ATP6V1H: variants seen among roughly 807,000 people sequenced by gnomAD.
ATP6V1H encodes the protein V-type proton ATPase subunit H.
In ATP6V1H, 39 loss-of-function variants were observed where a neutral mutation model predicts 71.7. That is an observed-to-expected ratio of 0.54 (90% CI 0.42 to 0.71). ATP6V1H has a LOEUF of 0.71. Ranked by LOEUF, ATP6V1H falls within the 30% of genes least tolerant of loss-of-function variation. ATP6V1H has a pLI of 0.00. For missense variants in ATP6V1H, 509 were observed against 594.9 expected (o/e 0.86, Z 1.50); for synonymous variants, 192 against 199.3 (o/e 0.96, Z 0.31).
intron 9 of ATP6V1H, among the ~76,000 whole-genome samples, chr8:53,778,490 C>T (rs1356483094): frequency 6.6e-6 from 1 of 152,112 alleles, no homozygotes; most frequent in Admixed American, 6.6e-5. Context: ...CCCCTCCTAC[C>T]CTGGTACCCT....
At chr8:53,733,075 C>T (rs1172309234) in intron 13 of ATP6V1H, among the ~76,000 whole-genome samples, 1 of 152,196 alleles carries the variant, frequency 6.6e-6, no homozygotes, top group African/African-American at 2.4e-5. Flanking sequence ...CTGATCTCCT[C>T]AACTGAAAGA....
intron 13 of ATP6V1H, among the ~76,000 whole-genome samples, chr8:53,717,615 C>T (rs1806470241): frequency 6.6e-6 from 1 of 152,106 alleles, no homozygotes; most frequent in African/African-American, 2.4e-5. Flanking sequence ...AAAGGGAAGC[C>T]ATCCTATCAT....
chr8:53,818,368 C>T (rs118149872), intron 4 of ATP6V1H, among the ~76,000 whole-genome samples: 1 of 152,114 alleles, frequency 6.6e-6, no homozygotes, highest in Non-Finnish European at 1.5e-5. Context: ...TTTAAAAGCA[C>T]AAATAACCAC....
chr8:53,741,998 A>C (rs1342636013), intron 13 of ATP6V1H, among the ~76,000 whole-genome samples: 1 of 152,196 alleles, frequency 6.6e-6, no homozygotes, highest in East Asian at 1.9e-4. Context: ...GAGTAGCCAA[A>C]GTGACCCTTT....
In ATP6V1H at chr8:53,715,946, G is replaced by A; in HGVS notation, c.*18C>T. On this transcript the variant is annotated 3_prime_UTR_variant, in exon 14 of 14. Transcript: ENST00000359530. ...TACTGGTTCTGCATTGAGGCGGAGGGGAAGGCCAGAGGCAGGCTTAGCTTC... is the reference window on the plus strand; with the variant it reads ...TACTGGTTCTGCATTGAGGCGGAGGAGAAGGCCAGAGGCAGGCTTAGCTTC... The A allele has an allele frequency of 3.1e-6, 5 of 1,606,720 alleles. No individual in the cohort carries two copies. Among genetic ancestry groups the A allele is most frequent in the Non-Finnish European group, 4.2e-6 (5 of 1,176,832 alleles).
intron 9 of ATP6V1H, among the ~76,000 whole-genome samples, chr8:53,772,914 AAAAAAAAAC>A (rs1256780730): frequency 6.6e-6 from 1 of 151,526 alleles, no homozygotes; most frequent in African/African-American, 2.4e-5. Context: ...AAAAAAAAAA[AAAAAAAAAC>A]AAAACAGTAA....
chr8:53,733,270 T>C (rs1712460599), intron 13 of ATP6V1H, among the ~76,000 whole-genome samples: 1 of 152,184 alleles, frequency 6.6e-6, no homozygotes, highest in African/African-American at 2.4e-5. Context: ...AGCCAGAAAT[T>C]GTCTGCTTTC....
At chr8:53,777,168 G>A (rs1032247816) in intron 9 of ATP6V1H, among the ~76,000 whole-genome samples, 9 of 152,078 alleles carry the variant, frequency 5.9e-5, no homozygotes, top group Non-Finnish European at 1.3e-4. Flanking sequence ...AAAATATAAT[G>A]GCCAAAATTT....
chr8:53,801,609 A>G (rs1316222695), intron 8 of ATP6V1H, among the ~76,000 whole-genome samples, 190 bp downstream of exon 8: 1 of 152,210 alleles, frequency 6.6e-6, no homozygotes, highest in Non-Finnish European at 1.5e-5. Flanking sequence ...CCTCTTATAA[A>G]AGAACAGATC....
rs1344592106 is a variant in ATP6V1H at position 53,785,032 on chromosome 8, C to T, written c.870+10615G>A. 2.6e-5 allele frequency among the ~76,000 whole-genome samples: 4 copies of T among 152,030 alleles called. No homozygotes were observed. In the East Asian group the frequency reaches 7.7e-4, roughly 29 times the overall value. On this transcript the variant is annotated intron_variant, in intron 9 of 13. Coordinates refer to ENST00000359530, the MANE Select transcript of ATP6V1H (RefSeq NM_015941.4). ...TTATGTGTCTTGGAGTTGCTCTTCT[C>T]GAGGAGTATCCTTGTGGCGTTCTCT...
chr8:53,822,500 A>T (rs2130499098), intron 4 of ATP6V1H, among the ~76,000 whole-genome samples: 1 of 152,316 alleles, frequency 6.6e-6, no homozygotes, highest in Non-Finnish European at 1.5e-5. Flanking sequence ...GATTAACAGC[A>T]TTAAAGGGAT....
chr8:53,770,230 T>A (rs1808606884), intron 10 of ATP6V1H, among the ~76,000 whole-genome samples: 1 of 152,168 alleles, frequency 6.6e-6, no homozygotes, highest in Non-Finnish European at 1.5e-5. Context: ...GGCACAATAT[T>A]TTACAATGTG....
chr8:53,815,219 A>T (rs1479787086), intron 5 of ATP6V1H, among the ~76,000 whole-genome samples: 1 of 152,202 alleles, frequency 6.6e-6, no homozygotes, highest in Admixed American at 6.5e-5. Context: ...TTAGGATAAT[A>T]TACATCCTAG....
chr8:53,800,684 G>A (rs1176125414), intron 8 of ATP6V1H, among the ~76,000 whole-genome samples: 1 of 152,148 alleles, frequency 6.6e-6, no homozygotes, highest in Non-Finnish European at 1.5e-5. Context: ...AGATCATTTC[G>A]CTCAAGGACA....
At chr8:53,753,232 G>T (rs1286903958) in intron 12 of ATP6V1H, among the ~76,000 whole-genome samples, 2 of 152,066 alleles carry the variant, frequency 1.3e-5, no homozygotes, top group Admixed American at 1.3e-4. Flanking sequence ...TGACTATATT[G>T]GTCCATGATG....
chr8:53,810,362 C>A (rs1171171979), intron 7 of ATP6V1H, among the ~76,000 whole-genome samples: 3 of 152,138 alleles, frequency 2.0e-5, no homozygotes, highest in Non-Finnish European at 4.4e-5. Flanking sequence ...GTAACTTTAG[C>A]CAAGAAAGGA....
chr8:53,831,305 G>T (rs1290014237), intron 3 of ATP6V1H, among the ~76,000 whole-genome samples: 2 of 152,118 alleles, frequency 1.3e-5, no homozygotes, highest in African/African-American at 2.4e-5. Flanking sequence ...CTCCACACCT[G>T]TACAGTCTGT....
chr8:53,768,609 G>C (rs1446176082), intron 11 of ATP6V1H, among the ~76,000 whole-genome samples: 1 of 152,030 alleles, frequency 6.6e-6, no homozygotes, highest in African/African-American at 2.4e-5. Context: ...ACCATAAAAA[G>C]GAATGAAGTA....
chr8:53,817,482 T>G lies in ATP6V1H; in HGVS notation c.355A>C (p.Lys119Gln). 6.2e-7 allele frequency: 1 copy of G among 1,613,888 alleles called. No individual in the cohort carries two copies. Among genetic ancestry groups the G allele is most frequent in the Non-Finnish European group, 8.5e-7 (1 of 1,179,844 alleles). Residue 119 changes from lysine to glutamine, a missense_variant, in exon 5 of 14, where the codon AAG becomes CAG. By Grantham distance (53) the Lys-to-Gln change is moderately conservative. Around this residue, in one of 2 missense-constraint regions of ATP6V1H, gnomAD observed 297 missense variants for 303.3 expected, o/e 0.98. Transcript: ENST00000359530. ...SIFFDYARCSKNTAWPYFLPM... is the reference protein window; with the variant it reads ...SIFFDYARCSQNTAWPYFLPM... The stretch of plus-strand genomic sequence containing the variant: ...AGAAAGTAGGGCCACGCAGTGTTCT[T>G]GCTACATCTTGCATAGTCAAAGAAA...
Sources: allele counts gnomAD v4.1 joint callset (sites outside exome capture counted in the v4.1 genomes callset), GRCh38; gene constraint gnomAD v4.1.1; regional missense constraint gnomAD v4.1.1; transcripts MANE v1.5; gene names NCBI Gene and HGNC (gene_info 2026-07-23, HGNC 2026-07-21).